Variants in C2 observed in about 807,000 individuals in gnomAD.
C2 encodes C3/C5 convertase.
C2 carries 64 observed loss-of-function variants against 85.2 expected under a neutral mutation model. The observed-to-expected ratio is 0.75, with a 90% CI of 0.61 to 0.92. C2 has a LOEUF of 0.92. Among genes scored for constraint, C2 ranks in the 40% least tolerant of loss-of-function variants. The pLI is 0.00. For missense variants in C2, 820 were observed against 971.6 expected (o/e 0.84, Z 2.07); for synonymous variants, 311 against 370.8 (o/e 0.84, Z 1.85).
rs538032432 is a variant in C2, at chr6:31,927,814, G to C, written c.46+16G>C. The C allele has an allele frequency of 1.2e-6, 2 of 1,612,998 alleles. No individual in the cohort carries two copies. The highest frequency in any genetic ancestry group is 1.7e-6 in the Non-Finnish European group (2 of 1,179,110). ...CTGTACCCAGGTAGGAGGCAGGGAA[G>C]GGGGAACGTCAGGGTCCTGTGTGTG... On this transcript the variant is annotated intron_variant, in intron 1 of 17. Coordinates refer to ENST00000299367, the MANE Select transcript of C2 (RefSeq NM_000063.6). This position sits in a 1 kb window ranked among gnomAD's most constrained non-coding sequence, Gnocchi z 4.7.
chr6:31,900,510 A>C, upstream of C2: 1 of 1,611,208 alleles, frequency 6.2e-7, no homozygotes, highest in South Asian at 1.1e-5. This position sits in a 1 kb window ranked among gnomAD's most constrained non-coding sequence, Gnocchi z 9.7. Context: ...AGGCTATAGC[A>C]GGCCTTCACC....
chr6:31,924,675 C>T (rs1769164552), upstream of C2, among the ~76,000 whole-genome samples: 1 of 152,148 alleles, frequency 6.6e-6, no homozygotes. Flanking sequence ...GCAGCTGTTA[C>T]ATATTAGTTT....
chr6:31,939,728 C>T (rs1169813756), intron 9 of C2, among the ~76,000 whole-genome samples: 2 of 152,060 alleles, frequency 1.3e-5, no homozygotes, highest in Non-Finnish European at 2.9e-5. Flanking sequence ...GGTAGGATTA[C>T]AGGTATGAGC....
chr6:31,901,380 G>T, intron 1 of C2: 1 of 1,472,856 alleles, frequency 6.8e-7, no homozygotes. Flanking sequence ...CCGAAGCCAA[G>T]GCTCCAGGAC....
chr6:31,945,159 G>T lies in C2; in HGVS notation c.2080-19G>T. The T allele has an allele frequency of 2.5e-6, 4 of 1,612,898 alleles. No homozygotes were observed. Among genetic ancestry groups the T allele is most frequent in the Non-Finnish European group, 3.4e-6 (4 of 1,179,940 alleles). On this transcript the variant is annotated intron_variant, in intron 17 of 17. Coordinates refer to ENST00000299367, the MANE Select transcript of C2 (RefSeq NM_000063.6). This position sits in a 1 kb window ranked among gnomAD's most constrained non-coding sequence, Gnocchi z 5.3. ...TGGGGCTGTGGCAGCCTCCCAGCCA[G>T]TTCTCTCCTTTTCTCCAGGTGGGTC...
chr6:31,930,195 C>T (rs917617156), intron 3 of C2, among the ~76,000 whole-genome samples: 1 of 151,720 alleles, frequency 6.6e-6, no homozygotes, highest in African/African-American at 2.4e-5. Context: ...GACTCTCCTG[C>T]CTCAGCCTCC....
intron 3 of C2, 92 bp from the exon 4 acceptor site, chr6:31,933,518 T>C (rs1770097916): frequency 7.1e-7 from 1 of 1,401,120 alleles, no homozygotes. Flanking sequence ...GGGTTGGAAC[T>C]GGGAAGCTTC....
upstream of C2, among the ~76,000 whole-genome samples, chr6:31,924,019 C>T (rs1379171774): frequency 6.6e-6 from 1 of 151,132 alleles, no homozygotes; most frequent in Non-Finnish European, 1.5e-5. Flanking sequence ...CCAGGATTGT[C>T]TCGATCTCCT....
chr6:31,916,218 G>A (rs563380165), upstream of C2, among the ~76,000 whole-genome samples: 3 of 152,232 alleles, frequency 2.0e-5, no homozygotes, highest in Admixed American at 1.3e-4. Context: ...AAGCAGAAGC[G>A]AGGCTATAGG....
chr6:31,901,066 G>A lies in C2; in HGVS notation c.-1G>A, dbSNP rs148838488. On this transcript the variant is annotated 5_prime_UTR_variant, in exon 1 of 4. Transcript: ENST00000452202. ...AGCAGGAGAGGAGCAAGTCGGCCAC[G>A]ATGCGTGCACTGTGCATCAGGGAGA... 2.2e-3 allele frequency: 3,488 copies of A among 1,614,196 alleles called. 39 individuals carry two copies. In the African/African-American group the frequency reaches 0.029, roughly 13 times the overall value.
upstream of C2, chr6:31,900,527 T>C (rs1562535757): frequency 6.2e-7 from 1 of 1,611,814 alleles, no homozygotes; most frequent in Non-Finnish European, 8.5e-7. The surrounding 1 kb of genome is among the most constrained non-coding windows in gnomAD (Gnocchi z 9.7). Context: ...CACCACACCC[T>C]GCGGTGGGGC....
chr6:31,913,574 G>A (rs1224390153), intron 1 of C2, among the ~76,000 whole-genome samples: 1 of 152,094 alleles, frequency 6.6e-6, no homozygotes, highest in African/African-American at 2.4e-5. Flanking sequence ...CAACAAAAGC[G>A]AAACTCCATC....
chr6:31,931,874 C>T (rs1769792321), intron 3 of C2, among the ~76,000 whole-genome samples: 1 of 149,702 alleles, frequency 6.7e-6, no homozygotes, highest in Non-Finnish European at 1.5e-5. Context: ...CCGGACAGGG[C>T]GGCTGGCCGG....
At position 31,940,216 on chromosome 6, in the gene C2, C is replaced by G. The variant is rs1582109348; in HGVS notation, c.1219+896C>G. On this transcript the variant is annotated intron_variant, in intron 9 of 17. Coordinates refer to ENST00000299367, the MANE Select transcript of C2 (RefSeq NM_000063.6). ...GTAGTACTAGGACCCAGCTCACAAG[C>G]TGACAGGGGAAGATGCTCAGACAAA... 2.0e-5 allele frequency among the ~76,000 whole-genome samples: 3 copies of G among 152,334 alleles called. No homozygotes were observed. The Middle Eastern group carries it at 0.01, about 518-fold the overall frequency.
chr6:31,903,581 G>C (rs1767525609), intron 1 of C2, among the ~76,000 whole-genome samples: 1 of 152,090 alleles, frequency 6.6e-6, no homozygotes, highest in Non-Finnish European at 1.5e-5. Flanking sequence ...AGTGAGCCTA[G>C]ATTGCGCCAT....
upstream of C2, among the ~76,000 whole-genome samples, chr6:31,917,213 A>G (rs562987037): frequency 6.6e-6 from 1 of 152,004 alleles, no homozygotes; most frequent in East Asian, 1.9e-4. Context: ...ACAGAGAACA[A>G]TGAGATGTTT....
At chr6:31,924,484 A>T (rs528549255), upstream of C2, among the ~76,000 whole-genome samples, 142 of 152,268 alleles carry the variant, frequency 9.3e-4, 1 homozygote, top group Admixed American at 3.3e-3. Context: ...GGAAGGGAAG[A>T]AGTTTTATAC....
At chr6:31,933,837 C>A (rs774928519) in intron 4 of C2, 30 bp from the exon 5 acceptor site, 2 of 1,613,490 alleles carry the variant, frequency 1.2e-6, no homozygotes, top group Non-Finnish European at 1.7e-6. Context: ...GCCACTGCCC[C>A]GGCTGACTCC....
chr6:31,915,671 G>A (rs1027386496), upstream of C2, among the ~76,000 whole-genome samples: 1 of 152,196 alleles, frequency 6.6e-6, no homozygotes, highest in Non-Finnish European at 1.5e-5. Context: ...ATCAAAGGAG[G>A]CTCCATCAAA....
Sources: allele counts gnomAD v4.1 joint callset (sites outside exome capture counted in the v4.1 genomes callset), GRCh38; gene constraint gnomAD v4.1.1; non-coding constraint Gnocchi (gnomAD v3.1); transcripts MANE v1.5; gene names NCBI Gene and HGNC (gene_info 2026-07-23, HGNC 2026-07-21).